The following CNTN5 variants were observed in gnomAD, a reference collection of about 807,000 sequenced individuals.
CNTN5 encodes contactin-5.
CNTN5 carries 77 observed loss-of-function variants against 129.1 expected under a neutral mutation model. That is an observed-to-expected ratio of 0.60 (90% CI 0.50 to 0.72). CNTN5 has a LOEUF of 0.72. CNTN5 is among the 30% of genes least tolerant of loss of function. The pLI, the probability that CNTN5 is intolerant of heterozygous loss-of-function variation, is 0.00. For missense variants in CNTN5, 1,478 were observed against 1,328.8 expected (o/e 1.11, Z -1.75); for synonymous variants, 509 against 465.6 (o/e 1.09, Z -1.20).
chr11:100,114,828 A>G (rs1262789153), intron 13 of CNTN5, among the ~76,000 whole-genome samples: 1 of 152,108 alleles, frequency 6.6e-6, no homozygotes, highest in African/African-American at 2.4e-5. Context: ...ACCAGTCACT[A>G]TGCTTAGTGC....
intron 4 of CNTN5, among the ~76,000 whole-genome samples, chr11:99,821,548 T>C (rs1231540289): frequency 1.3e-5 from 2 of 152,084 alleles, no homozygotes; most frequent in African/African-American, 4.8e-5. Flanking sequence ...AGATCATCAT[T>C]AGGAGTTTAT....
intron 16 of CNTN5, among the ~76,000 whole-genome samples, chr11:100,241,404 C>T (rs2138681928): frequency 6.6e-6 from 1 of 152,228 alleles, no homozygotes. Context: ...GATTAATTTA[C>T]CTTTCACCTG....
intron 3 of CNTN5, among the ~76,000 whole-genome samples, chr11:99,763,472 A>G (rs937863402): frequency 1.7e-4 from 26 of 152,080 alleles, no homozygotes; most frequent in African/African-American, 6.3e-4. Flanking sequence ...TAAATTAATA[A>G]TTTTATTGTG....
intron 9 of CNTN5, among the ~76,000 whole-genome samples, chr11:100,027,130 T>A (rs192912183): frequency 1.3e-5 from 2 of 152,344 alleles, no homozygotes; most frequent in East Asian, 3.9e-4. Context: ...GTTTACTAAC[T>A]CCATCATATG....
At position 99,819,745 on chromosome 11, in the gene CNTN5, C is replaced by A; in HGVS notation, c.257C>A (p.Ser86Ter). Residue 86 changes from serine (S) to a stop codon, truncating the protein, a stop_gained, in exon 4 of 25, where the codon TCA becomes TAA. Coordinates refer to ENST00000524871, the MANE Select transcript of CNTN5 (RefSeq NM_014361.4). LOFTEE classifies it high-confidence loss of function. ...TCCCCCATCAATCTTTATCATTCCT[C>A]AGATGCCTTCAAACAAGATGGTAAG... ...YYSPINLYHS[S>*]DAFKQDESVD... 6.3e-7 allele frequency: 1 copy of A among 1,582,362 alleles called. No homozygotes were observed. The highest frequency in any genetic ancestry group is 1.3e-5 in the African/African-American group (1 of 74,402).
chr11:100,340,199 C>T (rs185179084), intron 21 of CNTN5, among the ~76,000 whole-genome samples: 1 of 152,224 alleles, frequency 6.6e-6, no homozygotes, highest in Non-Finnish European at 1.5e-5. Flanking sequence ...ATTTTCACTC[C>T]TTCAGGCCAC....
At chr11:99,619,718 A>T (rs990607258) in intron 3 of CNTN5, among the ~76,000 whole-genome samples, 1 of 152,148 alleles carries the variant, frequency 6.6e-6, no homozygotes, top group African/African-American at 2.4e-5. Context: ...GGTCTTACAT[A>T]AAATGTGAAA....
intron 9 of CNTN5, among the ~76,000 whole-genome samples, chr11:100,012,946 A>T (rs12806121): frequency 0.074 from 11,241 of 152,202 alleles, 535 homozygotes; most frequent in East Asian, 0.19. Flanking sequence ...CTCTGGGATG[A>T]TCGTAAGATC....
At chr11:99,964,272 A>C (rs1379512753) in intron 8 of CNTN5, among the ~76,000 whole-genome samples, 1 of 152,146 alleles carries the variant, frequency 6.6e-6, no homozygotes, top group Non-Finnish European at 1.5e-5. Flanking sequence ...GTTTTTGCCC[A>C]TTCAGTATGG....
intron 21 of CNTN5, among the ~76,000 whole-genome samples, chr11:100,326,393 C>T (rs1304531237): frequency 1.3e-5 from 2 of 152,110 alleles, no homozygotes; most frequent in Non-Finnish European, 2.9e-5. Flanking sequence ...TCCAATGTTT[C>T]AAGAAATATT....
At chr11:100,348,300 C>T (rs899892029) in intron 23 of CNTN5, among the ~76,000 whole-genome samples, 11 of 152,016 alleles carry the variant, frequency 7.2e-5, no homozygotes, top group African/African-American at 2.2e-4. Flanking sequence ...TTCTCTAAAG[C>T]ACTGAAGATT....
intron 2 of CNTN5, among the ~76,000 whole-genome samples, chr11:99,508,686 C>CTTTCTTTTTTTTTTTTTTTTTT: frequency 6.8e-6 from 1 of 146,860 alleles, no homozygotes; most frequent in Admixed American, 6.8e-5. Context: ...TCTTTTCTTT[C>CTTTCTTTTTTTTTTTTTTTTTT]TTTTTTTTTT....
chr11:99,941,665 C>T (rs1426642855), intron 7 of CNTN5, among the ~76,000 whole-genome samples: 1 of 149,100 alleles, frequency 6.7e-6, no homozygotes, highest in Non-Finnish European at 1.5e-5. Flanking sequence ...CCATAAAGAC[C>T]TCCCACAGGG....
At chr11:99,632,666 G>C (rs1377951096) in intron 3 of CNTN5, among the ~76,000 whole-genome samples, 1 of 152,138 alleles carries the variant, frequency 6.6e-6, no homozygotes, top group Non-Finnish European at 1.5e-5. Flanking sequence ...ATATTTAACA[G>C]TGTTATTAAC....
intron 6 of CNTN5, among the ~76,000 whole-genome samples, chr11:99,854,247 C>T (rs1183195981): frequency 1.3e-5 from 2 of 152,096 alleles, no homozygotes; most frequent in Admixed American, 1.3e-4. Flanking sequence ...CTCTGTATTG[C>T]TTATTGGAAT....
chr11:99,335,972 C>T (rs1056954219), intron 2 of CNTN5, among the ~76,000 whole-genome samples: 6 of 152,086 alleles, frequency 3.9e-5, no homozygotes, highest in African/African-American at 1.4e-4. Context: ...GTCAGATTCC[C>T]TGGAAACACA....
chr11:99,687,066 T>G (rs1217149914), intron 3 of CNTN5, among the ~76,000 whole-genome samples: 2 of 152,172 alleles, frequency 1.3e-5, no homozygotes, highest in Non-Finnish European at 2.9e-5. Flanking sequence ...CGTGAAGAGC[T>G]CTATTCAGGC....
At chr11:99,871,987 T>C (rs141552747) in intron 6 of CNTN5, among the ~76,000 whole-genome samples, 19 of 151,846 alleles carry the variant, frequency 1.3e-4, no homozygotes, top group Non-Finnish European at 2.2e-4. Context: ...AAGAAAAACA[T>C]AGCCCTTAGA....
rs1591263528 is a variant in CNTN5 at position 99,550,075 on chromosome 11, C to T, written c.-70-6070C>T. Among the ~76,000 whole-genome samples, 3 of 152,116 alleles carry T rather than the reference C, an allele frequency of 2.0e-5. No homozygotes were observed. In the East Asian group the frequency reaches 5.8e-4, roughly 29 times the overall value. On this transcript the variant is annotated intron_variant, in intron 2 of 24. Coordinates refer to ENST00000524871, the MANE Select transcript of CNTN5 (RefSeq NM_014361.4). ...TAAAAGAGTAAGAAAAACTGATCTTCACTATGCCTCACGGTGTTTAACACA... is the reference window on the plus strand; with the variant it reads ...TAAAAGAGTAAGAAAAACTGATCTTTACTATGCCTCACGGTGTTTAACACA...
Sources: allele counts gnomAD v4.1 joint callset (sites outside exome capture counted in the v4.1 genomes callset), GRCh38; gene constraint gnomAD v4.1.1; transcripts MANE v1.5; gene names NCBI Gene and HGNC (gene_info 2026-07-23, HGNC 2026-07-21).